TMEM178A: variants seen among roughly 807,000 people sequenced by gnomAD.
The protein encoded by TMEM178A is transmembrane protein 178.
Under a neutral mutation model 29.1 loss-of-function variants are expected in TMEM178A, and 12 were observed. That is an observed-to-expected ratio of 0.41 (90% CI 0.26 to 0.67). The LOEUF is 0.67. Among genes scored for constraint, TMEM178A ranks in the 30% least tolerant of loss-of-function variants. TMEM178A has a pLI of 0.29. For missense variants in TMEM178A, 366 were observed against 419.1 expected, an observed-to-expected ratio of 0.87 and a Z score of 1.11; for synonymous variants, 210 against 187.2, an observed-to-expected ratio of 1.12 and a Z score of -0.99.
intron 1 of TMEM178A, among the ~76,000 whole-genome samples, chr2:39,681,977 G>C (rs2540248): frequency 6.6e-6 from 1 of 151,978 alleles, no homozygotes. Flanking sequence ...CCTGGCCTTG[G>C]CTCTTCCTGC....
the TMEM178A span, among the ~76,000 whole-genome samples, chr2:39,734,780 T>C: frequency 0.029 from 4,489 of 152,306 alleles, 90 homozygotes; most frequent in South Asian, 0.04. Flanking sequence ...CCTCTCTTAG[T>C]TGATGAAAAC....
chr2:39,666,162 C>T lies in TMEM178A; in HGVS notation c.188C>T (p.Ser63Leu), dbSNP rs1670145675. ...PDQKNRLMPLSHLPLRDSPPL... is the reference protein window; with the variant it reads ...PDQKNRLMPLLHLPLRDSPPL... Reference sequence around the variant, plus strand: ...CAGAAGAACCGCCTGATGCCGCTGTCGCACCTGCCGCTGCGGGACTCGCCC... The same window carrying T: ...CAGAAGAACCGCCTGATGCCGCTGTTGCACCTGCCGCTGCGGGACTCGCCC... Residue 63 changes from serine to leucine, a missense_variant, in exon 1 of 4, where the codon TCG (serine) becomes TTG (leucine). By Grantham distance (145) the Ser-to-Leu change is moderately radical. Around this residue, in one of 2 missense-constraint regions of TMEM178A, gnomAD observed 247 missense variants for 246.8 expected, o/e 1.00. Transcript: ENST00000281961. 3 of 1,491,310 alleles carry T rather than the reference C, an allele frequency of 2.0e-6. No homozygotes were observed. Among genetic ancestry groups the T allele is most frequent in the East Asian group, 3.0e-5 (1 of 33,626 alleles). The allele number at this position is 1,491,310 out of a possible 1,614,324, so 92.4% of individuals were successfully genotyped here.
rs139738900 is a variant in TMEM178A, at chr2:39,694,965, C to T, written c.401-9116C>T. On this transcript the variant is annotated intron_variant, in intron 1 of 3. Coordinates refer to ENST00000281961, the MANE Select transcript of TMEM178A (RefSeq NM_152390.3). ...TTTAGCCATTTGAGGCTCTAAAAGT[C>T]AGTGTTAAGCCCCTAAACTTACTGT... 5.7e-3 allele frequency among the ~76,000 whole-genome samples: 865 copies of T among 152,262 alleles called. 12 individuals are homozygous for T. The highest frequency in any genetic ancestry group is 0.02 in the African/African-American group (813 of 41,544).
chr2:39,678,672 A>G (rs1157087925), intron 1 of TMEM178A, among the ~76,000 whole-genome samples: 2 of 152,200 alleles, frequency 1.3e-5, no homozygotes, highest in Non-Finnish European at 2.9e-5. Flanking sequence ...ACTAAATCGT[A>G]CACTTTAGTT....
chr2:39,697,726 C>T (rs1414716650), intron 1 of TMEM178A: 1 of 152,290 alleles, frequency 6.6e-6, no homozygotes, highest in Non-Finnish European at 1.5e-5. Context: ...TTACCTAATT[C>T]CTGGCACATG....
At chr2:39,701,723 A>G (rs1432025097) in intron 1 of TMEM178A, among the ~76,000 whole-genome samples, 2 of 152,074 alleles carry the variant, frequency 1.3e-5, no homozygotes, top group Non-Finnish European at 2.9e-5. Context: ...CATTTTTTAA[A>G]TCATCCTTTG....
intron 3 of TMEM178A, among the ~76,000 whole-genome samples, chr2:39,708,703 C>T (rs1672167590): frequency 6.6e-6 from 1 of 152,052 alleles, no homozygotes; most frequent in African/African-American, 2.4e-5. Context: ...AGGCGTGAGC[C>T]ACCGCGCCCG....
chr2:39,718,696 C>T (rs969058314), downstream of TMEM178A, among the ~76,000 whole-genome samples: 7 of 151,604 alleles, frequency 4.6e-5, no homozygotes, highest in Admixed American at 2.6e-4. Flanking sequence ...TTTTTTTTCT[C>T]GATCCTTTTT....
intron 1 of TMEM178A, among the ~76,000 whole-genome samples, chr2:39,700,647 A>G (rs1392941510): frequency 1.3e-5 from 2 of 151,842 alleles, no homozygotes; most frequent in South Asian, 2.1e-4. Flanking sequence ...TTATTGGAGT[A>G]TATATTTATA....
chr2:39,720,661 C>T (rs1672685336), downstream of TMEM178A, among the ~76,000 whole-genome samples: 1 of 152,228 alleles, frequency 6.6e-6, no homozygotes, highest in South Asian at 2.1e-4. Context: ...TGTCCCGGTG[C>T]TCAGCCCACC....
intron 1 of TMEM178A, among the ~76,000 whole-genome samples, chr2:39,669,219 T>C (rs1377803688): frequency 6.6e-6 from 1 of 152,144 alleles, no homozygotes; most frequent in Non-Finnish European, 1.5e-5. Context: ...GATGTCAGCA[T>C]TTTCTTCTCT....
At chr2:39,725,455 G>GA in the TMEM178A span, among the ~76,000 whole-genome samples, 3 of 152,066 alleles carry the variant, frequency 2.0e-5, no homozygotes, top group Admixed American at 6.5e-5. Flanking sequence ...CACAAAGGAA[G>GA]AAAAAAATCT....
chr2:39,680,889 T>G (rs984581253), intron 1 of TMEM178A, among the ~76,000 whole-genome samples: 1 of 152,234 alleles, frequency 6.6e-6, no homozygotes, highest in African/African-American at 2.4e-5. Context: ...AAGTTTTAGA[T>G]AGTGCTTTTT....
chr2:39,672,930 G>T (rs915759185), intron 1 of TMEM178A, among the ~76,000 whole-genome samples: 4 of 152,206 alleles, frequency 2.6e-5, no homozygotes, highest in African/African-American at 9.7e-5. Flanking sequence ...TCAATGCTAA[G>T]TGTGAAATGC....
the TMEM178A span, among the ~76,000 whole-genome samples, chr2:39,723,082 G>A: frequency 3.3e-5 from 5 of 152,206 alleles, no homozygotes; most frequent in African/African-American, 7.2e-5. Context: ...CGCAATCACA[G>A]TTCAGGGCAT....
chr2:39,685,829 G>A (rs535353208), intron 1 of TMEM178A, among the ~76,000 whole-genome samples: 3 of 152,332 alleles, frequency 2.0e-5, no homozygotes, highest in Admixed American at 1.3e-4. Flanking sequence ...CTCCAGGATA[G>A]GGAGGCTGTG....
chr2:39,693,323 G>A (rs916434353), intron 1 of TMEM178A, among the ~76,000 whole-genome samples: 2 of 152,188 alleles, frequency 1.3e-5, no homozygotes, highest in African/African-American at 2.4e-5. Context: ...TGATCTTTCT[G>A]AGGTATGTTG....
chr2:39,723,275 T>C, the TMEM178A span, among the ~76,000 whole-genome samples: 306 of 152,330 alleles, frequency 2.0e-3, 4 homozygotes, highest in African/African-American at 6.9e-3. Context: ...ATTGCACTTA[T>C]CATATTGCTT....
At chr2:39,679,132 G>GTTAAT (rs1670757141) in intron 1 of TMEM178A, among the ~76,000 whole-genome samples, 1 of 152,066 alleles carries the variant, frequency 6.6e-6, no homozygotes, top group Non-Finnish European at 1.5e-5. Context: ...TGGTTTCCTT[G>GTTAAT]TTAATTTTAC....
Sources: allele counts gnomAD v4.1 joint callset (sites outside exome capture counted in the v4.1 genomes callset), GRCh38; gene constraint gnomAD v4.1.1; regional missense constraint gnomAD v4.1.1; transcripts MANE v1.5; gene names NCBI Gene and HGNC (gene_info 2026-07-23, HGNC 2026-07-21).